The following MYO3B variants were observed in gnomAD, a reference collection of about 807,000 sequenced individuals.
MYO3B encodes myosin-IIIb.
In MYO3B, 156 loss-of-function variants were observed where a neutral mutation model predicts 174.6. That is an observed-to-expected ratio of 0.89 (90% CI 0.78 to 1.02). The LOEUF (loss-of-function observed/expected upper bound fraction) is 1.02, where lower values mean the gene tolerates loss of function less well. MYO3B is among the 50% of genes least tolerant of loss of function. MYO3B has a pLI of 0.00. For missense variants in MYO3B, 1,632 were observed against 1,639.4 expected (o/e 1.00, Z 0.08); for synonymous variants, 563 against 569.1 (o/e 0.99, Z 0.15).
At chr2:170,652,472 C>G (rs1040206974) in intron 34 of MYO3B, among the ~76,000 whole-genome samples, 1 of 152,140 alleles carries the variant, frequency 6.6e-6, no homozygotes, top group Admixed American at 6.6e-5. Context: ...GAGCACTCTA[C>G]GAAGTACAAA....
intron 6 of MYO3B, among the ~76,000 whole-genome samples, chr2:170,233,434 G>A (rs1419901839): frequency 6.6e-6 from 1 of 152,102 alleles, no homozygotes. Flanking sequence ...TTACACTTTC[G>A]AAAGTGTCAT....
intron 25 of MYO3B, among the ~76,000 whole-genome samples, chr2:170,471,291 C>A (rs532197197): frequency 1.3e-5 from 2 of 152,218 alleles, no homozygotes; most frequent in South Asian, 4.2e-4. Context: ...CTCATGTCAT[C>A]CACCCACCTC....
chr2:170,188,115 T>G (rs2092490383), intron 1 of MYO3B, among the ~76,000 whole-genome samples: 1 of 152,162 alleles, frequency 6.6e-6, no homozygotes, highest in Non-Finnish European at 1.5e-5. Flanking sequence ...AGCTCTAAAA[T>G]TTACATATCA....
At chr2:170,424,863 G>C (rs779491120) in intron 22 of MYO3B, among the ~76,000 whole-genome samples, 1 of 151,988 alleles carries the variant, frequency 6.6e-6, no homozygotes, top group Non-Finnish European at 1.5e-5. Context: ...TTGATTTTTC[G>C]AATGGTCAGA....
At chr2:170,444,425 G>C (rs994566669) in intron 23 of MYO3B, among the ~76,000 whole-genome samples, 1 of 152,194 alleles carries the variant, frequency 6.6e-6, no homozygotes, top group African/African-American at 2.4e-5. Flanking sequence ...CTGTGCAAAG[G>C]AGTTATTAGA....
intron 25 of MYO3B, among the ~76,000 whole-genome samples, chr2:170,474,578 A>G (rs1685191598): frequency 6.6e-6 from 1 of 151,280 alleles, no homozygotes; most frequent in African/African-American, 2.4e-5. Flanking sequence ...CTCTACTTAA[A>G]AAAAAAAAAT....
chr2:170,417,384 T>A (rs1018474361), intron 22 of MYO3B, among the ~76,000 whole-genome samples: 1 of 152,208 alleles, frequency 6.6e-6, no homozygotes, highest in Non-Finnish European at 1.5e-5. Context: ...CAGTGCCCAG[T>A]GCATAGAAAG....
intron 7 of MYO3B, among the ~76,000 whole-genome samples, chr2:170,315,600 C>T (rs907219305): frequency 6.6e-6 from 1 of 152,146 alleles, no homozygotes; most frequent in Non-Finnish European, 1.5e-5. Context: ...GCCATCGTGC[C>T]CGGCCTTATA....
Position 170,199,185 on chromosome 2 carries a change from TAAC to T in MYO3B, c.3-20_3-18del, listed in dbSNP as rs770901804. On this transcript the variant is annotated intron_variant, in intron 1 of 34. Coordinates refer to ENST00000408978, the MANE Select transcript of MYO3B (RefSeq NM_138995.5). Reference sequence around the variant, plus strand: ...CCCCAGTTCTGTGATCTGTTGCACATAACAAATTTTTCCCCCAACCAGGAAACA... The same window carrying T: ...CCCCAGTTCTGTGATCTGTTGCACATAAATTTTTCCCCCAACCAGGAAACA... 3.8e-6 allele frequency: 6 copies of T among 1,559,604 alleles called. No individual in the cohort carries two copies. In the South Asian group the frequency reaches 7.4e-5, roughly 19 times the overall value.
At chr2:170,394,367 A>G (rs1293842039) in intron 16 of MYO3B, among the ~76,000 whole-genome samples, 2 of 152,234 alleles carry the variant, frequency 1.3e-5, no homozygotes, top group African/African-American at 2.4e-5. Flanking sequence ...AACAGATGCT[A>G]TCTGTTTCAG....
chr2:170,351,760 G>A (rs1275995799), intron 8 of MYO3B, among the ~76,000 whole-genome samples: 2 of 152,128 alleles, frequency 1.3e-5, no homozygotes, highest in Non-Finnish European at 2.9e-5. Context: ...AACAACAAAT[G>A]AAGCATAAAT....
At chr2:170,589,116 G>T (rs1289232154) in intron 32 of MYO3B, among the ~76,000 whole-genome samples, 1 of 151,900 alleles carries the variant, frequency 6.6e-6, no homozygotes, top group Non-Finnish European at 1.5e-5. Flanking sequence ...AGGAGAAGAT[G>T]AAAAAAAGAA....
chr2:170,244,291 T>C (rs2105316621), intron 7 of MYO3B, among the ~76,000 whole-genome samples: 1 of 152,218 alleles, frequency 6.6e-6, no homozygotes, highest in Middle Eastern at 3.4e-3. Context: ...AAACTTAGGG[T>C]CATTGATTCA....
Position 170,382,091 on chromosome 2 carries a change from C to A in MYO3B, c.1047C>A (p.Val349=). Residue 349 remains valine (V), a synonymous_variant, in exon 10 of 35, where the codon GTC becomes GTA. Transcript: ENST00000408978. ...AATACTGCCTTGAGGATGATTTGGT[C>A]AACCTAGAGGTTCTGGATGAGGTAC... ...AEKYCLEDDL[V]NLEVLDEDTI... The A allele has an allele frequency of 6.2e-7, 1 of 1,613,332 alleles. No individual in the cohort carries two copies. The highest frequency in any genetic ancestry group is 1.1e-5 in the South Asian group (1 of 90,928).
rs1163068375 is a variant in MYO3B, at chr2:170,399,254, AAAAAAAAAAAAAGAGAG to A, written c.1792-932_1792-916del. Among the ~76,000 whole-genome samples the A allele has an allele frequency of 8.2e-3, 1,023 of 125,510 alleles. 93 individuals are homozygous for A. The highest frequency in any genetic ancestry group is 0.027 in the African/African-American group (927 of 34,290). The allele number at this position is 125,510 out of a possible 152,430, so 82.3% of individuals were successfully genotyped here. ...CGAAATTCCGTCTCAAAAAAAAAAA[AAAAAAAAAAAAAGAGAG>A]AGACCAGTCTGGCCAACAGGGCAAA... On this transcript the variant is annotated intron_variant, in intron 16 of 34. Coordinates refer to ENST00000408978, the MANE Select transcript of MYO3B (RefSeq NM_138995.5).
chr2:170,569,112 G>T (rs1027335888), intron 32 of MYO3B, among the ~76,000 whole-genome samples: 1 of 113,600 alleles, frequency 8.8e-6, no homozygotes, highest in Admixed American at 8.5e-5. Flanking sequence ...ATAAAATTGC[G>T]AACGTTTTTC....
At chr2:170,639,021 A>G (rs1372684528) in intron 32 of MYO3B, among the ~76,000 whole-genome samples, 1 of 152,202 alleles carries the variant, frequency 6.6e-6, no homozygotes, top group African/African-American at 2.4e-5. Context: ...GCAGAGCTGG[A>G]GACGAGTGCC....
intron 7 of MYO3B, among the ~76,000 whole-genome samples, chr2:170,274,674 AT>A (rs1397584107): frequency 6.6e-6 from 1 of 152,142 alleles, no homozygotes; most frequent in Non-Finnish European, 1.5e-5. Context: ...CTATATCTTG[AT>A]TCTAGTGATA....
At chr2:170,383,612 G>C in intron 11 of MYO3B, 98 bp from the exon 12 acceptor site, 1 of 892,224 alleles carries the variant, frequency 1.1e-6, no homozygotes, top group Non-Finnish European at 1.8e-6. Flanking sequence ...AATGCAACAA[G>C]TACCCTAATA....
Sources: gnomAD v4.1 joint callset for allele counts (sites outside exome capture counted in the v4.1 genomes callset) on GRCh38, gnomAD v4.1.1 for gene constraint, MANE v1.5 for transcripts, NCBI Gene and HGNC (gene_info 2026-07-23, HGNC 2026-07-21) for gene names.